The following ARK2C variants were observed in gnomAD, a reference collection of about 807,000 sequenced individuals.
ARK2C encodes arkadia (RNF111) C-terminal like ring finger ubiquitin ligase 2C, also known as E3 ubiquitin-protein ligase ARK2C.
the ARK2C span, among the ~76,000 whole-genome samples, chr18:46,372,194 G>C: frequency 0.12 from 18,477 of 152,214 alleles, 1,378 homozygotes; most frequent in South Asian, 0.21. Flanking sequence ...CAGAGGCACT[G>C]AAGGGTCCTC....
At chr18:46,417,999 T>TAA in the ARK2C span, among the ~76,000 whole-genome samples, 2 of 145,898 alleles carry the variant, frequency 1.4e-5, no homozygotes, top group African/African-American at 5.0e-5. Context: ...GCAAGACTCT[T>TAA]AAAAAAAAAA....
chr18:46,393,739 G>A, the ARK2C span, among the ~76,000 whole-genome samples: 1 of 152,214 alleles, frequency 6.6e-6, no homozygotes, highest in African/African-American at 2.4e-5. Flanking sequence ...GCAGGCCAGT[G>A]GGGAGAGAGG....
chr18:46,376,041 A>C, the ARK2C span, among the ~76,000 whole-genome samples: 2 of 152,196 alleles, frequency 1.3e-5, no homozygotes, highest in African/African-American at 4.8e-5. Context: ...GAGTGTGCAC[A>C]GCTCAGAACA....
At chr18:46,456,965 C>T in the ARK2C span, 359 of 352,846 alleles carry the variant, frequency 1.0e-3, no homozygotes, top group Non-Finnish European at 1.6e-3. Flanking sequence ...CAGACGGGCC[C>T]CTCAATCCTG....
chr18:46,402,215 G>T, the ARK2C span, among the ~76,000 whole-genome samples: 1 of 152,132 alleles, frequency 6.6e-6, no homozygotes, highest in Non-Finnish European at 1.5e-5. Context: ...AACTCTTCTT[G>T]CACATCTATT....
chr18:46,458,880 C>G, the ARK2C span: 1 of 152,192 alleles, frequency 6.6e-6, no homozygotes, highest in Non-Finnish European at 1.5e-5. Context: ...CAATGAGTAT[C>G]ACAGCGTCCA....
At chr18:46,439,967 A>T in the ARK2C span, among the ~76,000 whole-genome samples, 1 of 152,184 alleles carries the variant, frequency 6.6e-6, no homozygotes. Flanking sequence ...AGTAGCTGGG[A>T]CTACAGGCGC....
the ARK2C span, among the ~76,000 whole-genome samples, chr18:46,439,652 A>C: frequency 6.6e-6 from 1 of 152,244 alleles, no homozygotes; most frequent in African/African-American, 2.4e-5. Context: ...CCATAGAGGT[A>C]AAACTTGGAG....
the ARK2C span, among the ~76,000 whole-genome samples, chr18:46,429,653 T>A: frequency 6.6e-6 from 1 of 152,234 alleles, no homozygotes; most frequent in African/African-American, 2.4e-5. Flanking sequence ...TTCCTGGTCA[T>A]AATAATTGCC....
At chr18:46,387,611 C>G in the ARK2C span, among the ~76,000 whole-genome samples, 3 of 152,346 alleles carry the variant, frequency 2.0e-5, no homozygotes, top group East Asian at 5.8e-4. Flanking sequence ...AAAACATTCC[C>G]CACTTGGAAG....
chr18:46,348,419 T>A, the ARK2C span, among the ~76,000 whole-genome samples: 5 of 152,126 alleles, frequency 3.3e-5, no homozygotes, highest in African/African-American at 7.2e-5. Flanking sequence ...AAGAATAAAG[T>A]GCACAGAACC....
At chr18:46,434,064 GA>G in the ARK2C span, among the ~76,000 whole-genome samples, 1 of 152,192 alleles carries the variant, frequency 6.6e-6, no homozygotes, top group Non-Finnish European at 1.5e-5. Context: ...TAATAATTAG[GA>G]AACAAGCAGG....
chr18:46,404,514 G>A, the ARK2C span, among the ~76,000 whole-genome samples: 2 of 152,160 alleles, frequency 1.3e-5, no homozygotes, highest in African/African-American at 4.8e-5. Context: ...AGCACTTTGG[G>A]TGGCCGAGGC....
the ARK2C span, among the ~76,000 whole-genome samples, chr18:46,436,089 G>A: frequency 6.6e-6 from 1 of 152,182 alleles, no homozygotes; most frequent in African/African-American, 2.4e-5. Context: ...CCAGATTCTG[G>A]TTCTAGCTCA....
chr18:46,427,811 G>C, the ARK2C span, among the ~76,000 whole-genome samples: 4 of 152,232 alleles, frequency 2.6e-5, no homozygotes, highest in Non-Finnish European at 4.4e-5. Context: ...GCTCAAGGTA[G>C]CCACTGCCAG....
the ARK2C span, among the ~76,000 whole-genome samples, chr18:46,396,382 G>A: frequency 6.6e-6 from 1 of 152,116 alleles, no homozygotes; most frequent in Non-Finnish European, 1.5e-5. Flanking sequence ...GAGAAGTGAA[G>A]CGTTAGTGGG....
chr18:46,381,723 C>T, the ARK2C span, among the ~76,000 whole-genome samples: 1 of 152,086 alleles, frequency 6.6e-6, no homozygotes, highest in African/African-American at 2.4e-5. Flanking sequence ...CCCAGCTACA[C>T]TGGAGGTTGA....
At chr18:46,428,485 G>A in the ARK2C span, among the ~76,000 whole-genome samples, 1 of 152,160 alleles carries the variant, frequency 6.6e-6, no homozygotes, top group Non-Finnish European at 1.5e-5. Context: ...AGTAAGCAGT[G>A]GTCACTGCTC....
the ARK2C span, among the ~76,000 whole-genome samples, chr18:46,396,410 A>T: frequency 4.6e-5 from 7 of 152,182 alleles, no homozygotes; most frequent in Non-Finnish European, 8.8e-5. Context: ...TCTTGCAGAG[A>T]CATTCTACCT....
Sources: allele counts gnomAD v4.1 joint callset (sites outside exome capture counted in the v4.1 genomes callset), GRCh38; gene constraint gnomAD v4.1.1; transcripts MANE v1.5; gene names NCBI Gene and HGNC (gene_info 2026-07-23, HGNC 2026-07-21).